Variants in SETD2 observed in about 807,000 individuals in gnomAD.
SETD2 encodes the protein SET domain containing 2, histone lysine methyltransferase.
SETD2 carries 31 observed loss-of-function variants against 242.1 expected under a neutral mutation model. That is an observed-to-expected ratio of 0.13 (90% CI 0.10 to 0.17). The LOEUF is 0.17. Among genes scored for constraint, SETD2 ranks in the 10% least tolerant of loss-of-function variants. The probability of loss-of-function intolerance (pLI) is 1.00; values close to 1 mark genes in which losing one functional copy is unlikely to be tolerated. For missense variants in SETD2, 2,481 were observed against 3,046.3 expected (o/e 0.81, Z 4.37); for synonymous variants, 1,006 against 1,066.5 (o/e 0.94, Z 1.11).
chr3:47,118,519 C>T (rs915807029), intron 3 of SETD2, among the ~76,000 whole-genome samples: 7 of 151,796 alleles, frequency 4.6e-5, no homozygotes, highest in Non-Finnish European at 7.4e-5. Flanking sequence ...GTCAGGAGTT[C>T]GAGACCAGCC....
At chr3:47,132,810 G>GA (rs1285892142) in intron 1 of SETD2, among the ~76,000 whole-genome samples, 2 of 152,004 alleles carry the variant, frequency 1.3e-5, no homozygotes, top group Non-Finnish European at 2.9e-5. Context: ...CTCATTTAAA[G>GA]AAAAAAACTG....
In SETD2 at chr3:47,101,849, TTTTAA is replaced by T. The variant is rs142297545; in HGVS notation, c.4918-299_4918-295del. ...AAAAAAGAAAAAAAAGTAACTGCTA[TTTTAA>T]TTTATCTTAACATTTCCATACAGTA... On this transcript the variant is annotated intron_variant, in intron 7 of 20. Transcript: ENST00000409792. Among the ~76,000 whole-genome samples the T allele has an allele frequency of 4.8e-4, 73 of 152,322 alleles. 1 individual carries two copies. In the East Asian group the frequency reaches 8.9e-3, roughly 18 times the overall value.
intron 1 of SETD2, among the ~76,000 whole-genome samples, chr3:47,128,475 T>C (rs2043399696): frequency 6.6e-6 from 1 of 152,268 alleles, no homozygotes; most frequent in South Asian, 2.1e-4. Flanking sequence ...CTGTTTTCAA[T>C]GTTCCTGAAA....
In SETD2 at chr3:47,119,654, A is replaced by T. The variant is rs138257256; in HGVS notation, c.4454+528T>A. On this transcript the variant is annotated intron_variant, in intron 3 of 20. Transcript: ENST00000409792. ...AGAAGTGCCTTTTGCCTCCTGCCGC[A>T]ATTCTGAGGCCTCCCCAGCCATGTG... The T allele has an allele frequency of 9.6e-4, 322 of 336,582 alleles. 4 individuals carry two copies. Among genetic ancestry groups the T allele is most frequent in the African/African-American group, 5.5e-3 (247 of 45,040 alleles). 20.8% of individuals were successfully genotyped at this position (336,582 alleles called of 1,614,324 possible).
At chr3:47,153,886 A>G (rs2044060878) in intron 1 of SETD2, among the ~76,000 whole-genome samples, 1 of 152,228 alleles carries the variant, frequency 6.6e-6, no homozygotes, top group African/African-American at 2.4e-5. Flanking sequence ...ACAAATAGAA[A>G]TAAGTACAGA....
intron 1 of SETD2, among the ~76,000 whole-genome samples, chr3:47,137,435 C>G (rs2043613955): frequency 6.6e-6 from 1 of 152,026 alleles, no homozygotes; most frequent in African/African-American, 2.4e-5. Context: ...TTGTGATCCA[C>G]CCACCTCAGC....
chr3:47,067,622 C>G (rs2040620150), intron 12 of SETD2, among the ~76,000 whole-genome samples: 1 of 151,826 alleles, frequency 6.6e-6, no homozygotes, highest in African/African-American at 2.4e-5. Flanking sequence ...ATCACATTGC[C>G]CAGGCTGGTC....
chr3:47,120,027 C>T (rs891582430), intron 3 of SETD2, among the ~76,000 whole-genome samples, 155 bp downstream of exon 3: 1 of 152,104 alleles, frequency 6.6e-6, no homozygotes, highest in African/African-American at 2.4e-5. Flanking sequence ...ACTATCAAAT[C>T]TAAATAGGTA....
At chr3:47,045,028 C>T (rs9862711) in intron 16 of SETD2, among the ~76,000 whole-genome samples, 6,458 of 152,206 alleles carry the variant, frequency 0.042, 468 homozygotes, top group African/African-American at 0.15. Context: ...CTTCTGGTCC[C>T]GTGAAGCTCA....
At chr3:47,035,491 T>C (rs1341418978) in intron 18 of SETD2, among the ~76,000 whole-genome samples, 3 of 152,240 alleles carry the variant, frequency 2.0e-5, no homozygotes, top group African/African-American at 7.2e-5. Flanking sequence ...GCTCCTACTT[T>C]GTGCTTGGCT....
intron 5 of SETD2, among the ~76,000 whole-genome samples, chr3:47,107,153 A>G (rs1198859106): frequency 6.6e-6 from 1 of 152,196 alleles, no homozygotes; most frequent in Non-Finnish European, 1.5e-5. Context: ...TTCTATGTAG[A>G]CAAATGTTAT....
rs1488086699 is a variant in SETD2, at chr3:47,017,972, T to TA, written c.7432-234dup. On this transcript the variant is annotated intron_variant, in intron 19 of 20. Coordinates refer to ENST00000409792, the MANE Select transcript of SETD2 (RefSeq NM_014159.7). This position sits in a 1 kb window ranked among gnomAD's most constrained non-coding sequence, Gnocchi z 4.8. ...TCCCCTGGATGGACTAAGCAAGCCT[T>TA]AAAGGAGGCTGGAGGGACTCAACAG... 1.2e-4 allele frequency among the ~76,000 whole-genome samples: 19 copies of TA among 152,042 alleles called. No homozygotes were observed. The highest frequency in any genetic ancestry group is 1.5e-5 in the Non-Finnish European group (1 of 67,984).
intron 18 of SETD2, among the ~76,000 whole-genome samples, chr3:47,031,131 T>A (rs11715121): frequency 0.35 from 53,205 of 152,080 alleles, 9,763 homozygotes; most frequent in Middle Eastern, 0.49. Context: ...GCAGCTCAAA[T>A]GATTTTTAGG....
In SETD2 at chr3:47,017,527, G is replaced by T; in HGVS notation, c.7533+111C>A. On this transcript the variant is annotated intron_variant, in intron 20 of 20. Transcript: ENST00000409792. This position sits in a 1 kb window ranked among gnomAD's most constrained non-coding sequence, Gnocchi z 4.8. ...TCCCCGTTCCTGGGTCCCCAGCTCT[G>T]ACATCTGACAAGAAAAAAAAAAATA... The T allele has an allele frequency of 1.2e-6, 1 of 849,786 alleles. No homozygotes were observed. The allele number at this position is 849,786 out of a possible 1,614,324, so 52.6% of individuals were successfully genotyped here. A position where few individuals can be genotyped will look rare whatever the true frequency, so the allele number is the denominator to read the frequency against.
chr3:47,120,550 T>C lies in SETD2; in HGVS notation c.4086A>G (p.Lys1362=), dbSNP rs1288863697. The C allele has an allele frequency of 6.2e-7, 1 of 1,614,218 alleles. No individual in the cohort carries two copies. The highest frequency in any genetic ancestry group is 8.5e-7 in the Non-Finnish European group (1 of 1,180,018). ...QSDKFLLSLQ[K]DKGSVQAPEI... ...CAGGTGCTTGCACTGACCCCTTGTC[T>C]TTCTGAAGGGATAGAAGAAATTTAT... The change falls in exon 3 of 21, where the codon AAA becomes AAG. Residue 1362 remains lysine, a synonymous_variant. Coordinates refer to ENST00000409792, the MANE Select transcript of SETD2 (RefSeq NM_014159.7).
chr3:47,147,736 A>T (rs1036843590), intron 1 of SETD2, among the ~76,000 whole-genome samples: 2 of 151,676 alleles, frequency 1.3e-5, no homozygotes, highest in Non-Finnish European at 2.9e-5. Flanking sequence ...CCTGGCTAAC[A>T]CAGTGAAACC....
At chr3:47,117,261 C>CAAAAAA (rs5848820) in intron 3 of SETD2, among the ~76,000 whole-genome samples, 6 of 66,486 alleles carry the variant, frequency 9.0e-5, no homozygotes, top group African/African-American at 3.4e-4. Flanking sequence ...CCTGCATTAC[C>CAAAAAA]AAAAAAAAAA....
intron 2 of SETD2, among the ~76,000 whole-genome samples, chr3:47,125,213 G>A (rs1040762545): frequency 6.6e-6 from 1 of 152,038 alleles, no homozygotes; most frequent in Non-Finnish European, 1.5e-5. Context: ...CAGCTACTTG[G>A]GAGGCTGAGG....
chr3:47,044,469 A>G (rs2039431636), intron 16 of SETD2, among the ~76,000 whole-genome samples: 2 of 150,482 alleles, frequency 1.3e-5, no homozygotes, highest in Admixed American at 1.3e-4. Flanking sequence ...TATTTCACAT[A>G]TAGTATTTTT....
Sources: gnomAD v4.1 joint callset for allele counts (sites outside exome capture counted in the v4.1 genomes callset) on GRCh38, gnomAD v4.1.1 for gene constraint, Gnocchi (gnomAD v3.1) non-coding constraint, MANE v1.5 for transcripts, NCBI Gene and HGNC (gene_info 2026-07-23, HGNC 2026-07-21) for gene names.